Variants in AFAP1 observed in about 807,000 individuals in gnomAD.
AFAP1 encodes the protein actin filament associated protein 1, also known as actin filament-associated protein 1.
In AFAP1, 75 loss-of-function variants were observed where a neutral mutation model predicts 93.9. The observed-to-expected ratio is 0.80, with a 90% confidence interval of 0.66 to 0.97. The LOEUF is 0.97. Ranked by LOEUF, AFAP1 falls within the 50% of genes least tolerant of loss-of-function variation. The pLI, the probability that AFAP1 is intolerant of heterozygous loss-of-function variation, is 0.00. For synonymous variants in AFAP1, 517 were observed against 430.7 expected, an observed-to-expected ratio of 1.20 and a Z score of -2.48; for missense variants, 1,201 against 1,050.8, an observed-to-expected ratio of 1.14 and a Z score of -1.98.
At chr4:7,775,053 A>T (rs1483933163) in intron 14 of AFAP1, 150 bp from the exon 15 acceptor site, 1 of 932,570 alleles carries the variant, frequency 1.1e-6, no homozygotes, top group African/African-American at 1.7e-5. Context: ...AGGTGGGAGA[A>T]TCGCTTGAGC....
At chr4:7,861,209 C>G (rs978763804) in intron 3 of AFAP1, among the ~76,000 whole-genome samples, 6 of 152,142 alleles carry the variant, frequency 3.9e-5, no homozygotes, top group Non-Finnish European at 8.8e-5. Flanking sequence ...ATAAGAAAAT[C>G]AGGGCTCCAG....
chr4:7,776,865 A>G (rs955072421), intron 14 of AFAP1: 2 of 152,198 alleles, frequency 1.3e-5, no homozygotes, highest in Non-Finnish European at 2.9e-5. Context: ...AATGAACTCA[A>G]TGCAATCACC....
chr4:7,891,622 C>G (rs1361656929), intron 1 of AFAP1, among the ~76,000 whole-genome samples: 1 of 151,270 alleles, frequency 6.6e-6, no homozygotes, highest in African/African-American at 2.4e-5. Context: ...ATTGTATTCT[C>G]TTCATTATCA....
chr4:7,777,805 A>G (rs754290744), intron 14 of AFAP1: 1 of 152,140 alleles, frequency 6.6e-6, no homozygotes, highest in Non-Finnish European at 1.5e-5. Context: ...AAATCCCCAC[A>G]CTGCAGCCCT....
At chr4:7,875,124 T>A (rs955260680) in intron 1 of AFAP1, among the ~76,000 whole-genome samples, 1 of 152,206 alleles carries the variant, frequency 6.6e-6, no homozygotes, top group Non-Finnish European at 1.5e-5. Flanking sequence ...GACAAAAGCA[T>A]AATGAAAATG....
chr4:7,828,938 G>A (rs1021941799), intron 6 of AFAP1, among the ~76,000 whole-genome samples: 1 of 152,212 alleles, frequency 6.6e-6, no homozygotes, highest in Non-Finnish European at 1.5e-5. Flanking sequence ...CATGTCTCAT[G>A]GGAGGGACCC....
chr4:7,776,583 A>C (rs1357075902), intron 14 of AFAP1: 1 of 152,162 alleles, frequency 6.6e-6, no homozygotes, highest in African/African-American at 2.4e-5. Context: ...TAAATGCTGG[A>C]TTTGCCAATT....
intron 10 of AFAP1, among the ~76,000 whole-genome samples, chr4:7,797,553 G>A (rs902298346): frequency 4.6e-5 from 7 of 152,192 alleles, no homozygotes; most frequent in Non-Finnish European, 5.9e-5. Context: ...GCCTTCTACA[G>A]AAAAGCAGTC....
At chr4:7,792,608 A>G (rs1485319024) in intron 11 of AFAP1, among the ~76,000 whole-genome samples, 2 of 152,224 alleles carry the variant, frequency 1.3e-5, no homozygotes, top group African/African-American at 2.4e-5. Context: ...AAAATAAAAA[A>G]AAATCAAGGC....
In AFAP1 at chr4:7,939,684, C is replaced by T. The variant is rs1721625500; in HGVS notation, c.-31G>A. On this transcript the variant is annotated 5_prime_UTR_variant, in exon 1 of 18. Coordinates refer to ENST00000420658, the MANE Select transcript of AFAP1 (RefSeq NM_001134647.2). This position sits in a 1 kb window ranked among gnomAD's most constrained non-coding sequence, Gnocchi z 5.6. ...AGGCCGCCACCTCGCAGCGCTCGCT[C>T]CTCGCCGCGGCGCCTGGGCCGACTG... 4.8e-6 allele frequency: 2 copies of T among 416,926 alleles called. No homozygotes were observed. The highest frequency in any genetic ancestry group is 3.3e-5 in the South Asian group (2 of 60,956). The allele number at this position is 416,926 out of a possible 1,614,324, so 25.8% of individuals were successfully genotyped here.
At chr4:7,767,343 T>C (rs58437975) in intron 17 of AFAP1, among the ~76,000 whole-genome samples, 72,812 of 151,986 alleles carry the variant, frequency 0.48, 18,830 homozygotes, top group East Asian at 0.7. Flanking sequence ...GGAGCCCTTT[T>C]GAGGGTCGGG....
At chr4:7,772,425 A>C (rs1231350629) in intron 16 of AFAP1, 2 of 167,074 alleles carry the variant, frequency 1.2e-5, no homozygotes, top group African/African-American at 4.8e-5. Flanking sequence ...AGACTGCTTC[A>C]TTCATTTCAG....
At chr4:7,916,342 T>A (rs1720083689) in intron 1 of AFAP1, among the ~76,000 whole-genome samples, 1 of 152,160 alleles carries the variant, frequency 6.6e-6, no homozygotes, top group South Asian at 2.1e-4. Context: ...ACAGAAATAT[T>A]TATATCCCAA....
intron 1 of AFAP1, among the ~76,000 whole-genome samples, chr4:7,909,921 T>C (rs990227172): frequency 2.0e-5 from 3 of 152,168 alleles, no homozygotes; most frequent in Non-Finnish European, 4.4e-5. Context: ...CACACATTCA[T>C]TGAGATGCTA....
chr4:7,910,195 G>A (rs978672800), intron 1 of AFAP1, among the ~76,000 whole-genome samples: 6 of 152,100 alleles, frequency 3.9e-5, no homozygotes, highest in Non-Finnish European at 7.3e-5. Flanking sequence ...CCCCAAAAGC[G>A]CCCAGCTACA....
intron 1 of AFAP1, among the ~76,000 whole-genome samples, chr4:7,934,806 G>A (rs1467951168): frequency 1.3e-5 from 2 of 152,152 alleles, no homozygotes; most frequent in Non-Finnish European, 2.9e-5. Flanking sequence ...CCTCAAGACA[G>A]GGCACTTAGA....
chr4:7,903,671 T>A (rs1719242516), intron 1 of AFAP1, among the ~76,000 whole-genome samples: 1 of 152,036 alleles, frequency 6.6e-6, no homozygotes, highest in South Asian at 2.1e-4. Context: ...ACAGCAAGAC[T>A]GTGTCTCAAA....
chr4:7,856,424 G>C (rs1042087579), intron 3 of AFAP1, among the ~76,000 whole-genome samples: 1 of 152,084 alleles, frequency 6.6e-6, no homozygotes, highest in African/African-American at 2.4e-5. Context: ...TGTATTTTTA[G>C]TAGAGACAGG....
rs1721564385 is a variant in AFAP1, at chr4:7,939,100, G to T, written c.-3+556C>A. The T allele has an allele frequency of 6.3e-6, 1 of 159,440 alleles. No homozygotes were observed. Among genetic ancestry groups the T allele is most frequent in the Non-Finnish European group, 1.4e-5 (1 of 71,466 alleles). 9.9% of individuals were successfully genotyped at this position (159,440 alleles called of 1,614,324 possible). Reference sequence around the variant, plus strand: ...CGGCGCAGAGCCCCACTCGCAGGGCGGCCGGGACCCACGCGCGTGGGTCCA... The same window carrying T: ...CGGCGCAGAGCCCCACTCGCAGGGCTGCCGGGACCCACGCGCGTGGGTCCA... On this transcript the variant is annotated intron_variant, in intron 1 of 17. Coordinates refer to ENST00000420658, the MANE Select transcript of AFAP1 (RefSeq NM_001134647.2). The surrounding 1 kb of genome is among the most constrained non-coding windows in gnomAD (Gnocchi z 5.6).
Sources: gnomAD v4.1 joint callset for allele counts (sites outside exome capture counted in the v4.1 genomes callset) on GRCh38, gnomAD v4.1.1 for gene constraint, Gnocchi (gnomAD v3.1) non-coding constraint, MANE v1.5 for transcripts, NCBI Gene and HGNC (gene_info 2026-07-23, HGNC 2026-07-21) for gene names.